Variants in R3HCC1L observed in about 807,000 individuals in gnomAD.
R3HCC1L encodes coiled-coil domain-containing protein R3HCC1L.
Under a neutral mutation model 59.9 loss-of-function variants are expected in R3HCC1L, and 51 were observed. The observed-to-expected ratio is 0.85, with a 90% CI of 0.68 to 1.07. R3HCC1L has a LOEUF of 1.07. Among genes scored for constraint, R3HCC1L ranks in the 50% least tolerant of loss-of-function variants. The pLI, the probability that R3HCC1L is intolerant of heterozygous loss-of-function variation, is 0.00. For synonymous variants in R3HCC1L, 322 were observed against 315.2 expected, an observed-to-expected ratio of 1.02 and a Z score of -0.23; for missense variants, 965 against 933.0, an observed-to-expected ratio of 1.03 and a Z score of -0.45.
At chr10:98,202,408 A>G (rs1296104534) in intron 4 of R3HCC1L, among the ~76,000 whole-genome samples, 3 of 152,184 alleles carry the variant, frequency 2.0e-5, no homozygotes, top group Admixed American at 2.0e-4. Flanking sequence ...AGTTAAGAGC[A>G]TCACTGAAGG....
rs397805423 is a variant in R3HCC1L, at chr10:98,220,380, T to TC, written c.1785+10484dup. Reference sequence around the variant, plus strand: ...CATGGATTTCTTTTTCTTTTTTTTTTCCCATCTTTTTTTTTTTTTTATACT... The same window carrying TC: ...CATGGATTTCTTTTTCTTTTTTTTTTCCCCATCTTTTTTTTTTTTTTATACT... On this transcript the variant is annotated intron_variant, in intron 5 of 9. Transcript: ENST00000298999. Among the ~76,000 whole-genome samples the TC allele has an allele frequency of 5.5e-5, 8 of 146,480 alleles. No individual in the cohort carries two copies. The East Asian group carries it at 5.9e-4, about 11-fold the overall frequency.
intron 5 of R3HCC1L, among the ~76,000 whole-genome samples, chr10:98,222,711 T>G (rs1855166432): frequency 6.6e-6 from 1 of 152,196 alleles, no homozygotes; most frequent in African/African-American, 2.4e-5. Context: ...GAACCAGCCT[T>G]GCATCCAAAA....
intron 4 of R3HCC1L, among the ~76,000 whole-genome samples, chr10:98,183,958 G>GTTTTTTTTTTTTTTTTTTTTTTTT (rs71007380): frequency 2.1e-4 from 26 of 126,552 alleles, no homozygotes; most frequent in African/African-American, 7.2e-4. Context: ...TCCTTTTTCG[G>GTTTTTTTTTTTTTTTTTTTTTTTT]TTTTTTTTTT....
At chr10:98,199,525 A>G (rs1851809106) in intron 4 of R3HCC1L, among the ~76,000 whole-genome samples, 1 of 151,954 alleles carries the variant, frequency 6.6e-6, no homozygotes. Flanking sequence ...GTATAAAAAG[A>G]TGATAATTCT....
intron 2 of R3HCC1L, among the ~76,000 whole-genome samples, chr10:98,160,843 A>T (rs1847345713): frequency 6.6e-6 from 1 of 152,082 alleles, no homozygotes; most frequent in Admixed American, 6.6e-5. Flanking sequence ...GTTATCCTTC[A>T]TGTGTTTTTC....
At chr10:98,242,466 C>G (rs1253460565) in intron 9 of R3HCC1L, among the ~76,000 whole-genome samples, 1 of 152,154 alleles carries the variant, frequency 6.6e-6, no homozygotes, top group African/African-American at 2.4e-5. Context: ...TGTGACTGTT[C>G]ACACTAAATG....
intron 2 of R3HCC1L, 65 bp from the exon 3 acceptor site, chr10:98,162,818 C>G (rs570528042): frequency 6.6e-6 from 1 of 152,178 alleles, no homozygotes; most frequent in Admixed American, 6.6e-5. Flanking sequence ...CCACCTCAGC[C>G]TCTTGAGTAG....
At chr10:98,178,218 A>G (rs1158243037) in intron 4 of R3HCC1L, among the ~76,000 whole-genome samples, 15 of 152,114 alleles carry the variant, frequency 9.9e-5, no homozygotes, top group African/African-American at 3.4e-4. Context: ...TAAGTCTTTA[A>G]TCCATCTCGA....
chr10:98,147,775 T>G (rs1257427085), intron 1 of R3HCC1L, among the ~76,000 whole-genome samples: 1 of 152,202 alleles, frequency 6.6e-6, no homozygotes, highest in African/African-American at 2.4e-5. Flanking sequence ...TATGTGTCTG[T>G]TTTAATGCCA....
At chr10:98,240,509 A>G (rs947992156) in intron 9 of R3HCC1L, among the ~76,000 whole-genome samples, 5 of 152,264 alleles carry the variant, frequency 3.3e-5, no homozygotes, top group African/African-American at 1.2e-4. Flanking sequence ...TAGGTGATTA[A>G]TTGGCTGGTT....
chr10:98,155,688 C>G (rs71486146), intron 1 of R3HCC1L, among the ~76,000 whole-genome samples: 8 of 152,062 alleles, frequency 5.3e-5, no homozygotes, highest in Admixed American at 5.2e-4. Context: ...CCCACTCTCT[C>G]TAGTCCTCTC....
At chr10:98,139,492 C>T (rs1389363881) in intron 1 of R3HCC1L, among the ~76,000 whole-genome samples, 4 of 152,188 alleles carry the variant, frequency 2.6e-5, no homozygotes, top group African/African-American at 9.7e-5. Context: ...AAAGAGTACC[C>T]TCCTTCTGTT....
At chr10:98,186,761 A>T (rs1047098666) in intron 4 of R3HCC1L, among the ~76,000 whole-genome samples, 2 of 152,196 alleles carry the variant, frequency 1.3e-5, no homozygotes, top group African/African-American at 4.8e-5. Flanking sequence ...GAAGGCCATC[A>T]GTTTTCCTTC....
intron 8 of R3HCC1L, 120 bp from the exon 9 acceptor site, chr10:98,235,904 T>C: frequency 8.7e-7 from 1 of 1,147,506 alleles, no homozygotes; most frequent in Non-Finnish European, 1.2e-6. Flanking sequence ...CTTGTATTAA[T>C]TACTGCTGAT....
At chr10:98,155,002 A>G (rs879412799) in intron 1 of R3HCC1L, among the ~76,000 whole-genome samples, 13 of 152,198 alleles carry the variant, frequency 8.5e-5, no homozygotes, top group African/African-American at 2.7e-4. Context: ...GTGTTGGCCA[A>G]AATTATTTCA....
At chr10:98,231,271 T>C (rs1564733291) in intron 5 of R3HCC1L, among the ~76,000 whole-genome samples, 1 of 152,230 alleles carries the variant, frequency 6.6e-6, no homozygotes, top group Non-Finnish European at 1.5e-5. Flanking sequence ...TTGAGTTTCA[T>C]GCATTGCCTG....
chr10:98,206,139 T>C (rs547582588), intron 4 of R3HCC1L, among the ~76,000 whole-genome samples: 68 of 152,294 alleles, frequency 4.5e-4, no homozygotes, highest in African/African-American at 1.3e-3. Flanking sequence ...AATTATACCT[T>C]TAGTTCTTTT....
intron 5 of R3HCC1L, among the ~76,000 whole-genome samples, chr10:98,230,030 G>C (rs1213356564): frequency 7.2e-6 from 1 of 139,792 alleles, no homozygotes; most frequent in African/African-American, 2.6e-5. Context: ...AGGGATATTG[G>C]TCTGAAATTC....
chr10:98,191,498 CTGTT>C (rs778045402), intron 4 of R3HCC1L, among the ~76,000 whole-genome samples: 43 of 151,980 alleles, frequency 2.8e-4, no homozygotes, highest in Non-Finnish European at 4.6e-4. Flanking sequence ...TTTGATGGGG[CTGTT>C]TGTTTTTTTC....
Sources: allele counts gnomAD v4.1 joint callset (sites outside exome capture counted in the v4.1 genomes callset), GRCh38; gene constraint gnomAD v4.1.1; transcripts MANE v1.5; gene names NCBI Gene and HGNC (gene_info 2026-07-23, HGNC 2026-07-21).